Variants in NEDD4 observed in about 807,000 individuals in gnomAD.
NEDD4 encodes the protein E3 ubiquitin-protein ligase NEDD4.
In NEDD4, 99 loss-of-function variants were observed where a neutral mutation model predicts 144.9. That is an observed-to-expected ratio of 0.68 (90% confidence interval 0.58 to 0.81). The LOEUF is 0.81. Among genes scored for constraint, NEDD4 ranks in the 30% least tolerant of loss-of-function variants. The pLI, the probability that NEDD4 is intolerant of heterozygous loss-of-function variation, is 0.00. For missense variants in NEDD4, 985 were observed against 1,065.9 expected (o/e 0.92, Z 1.06); for synonymous variants, 318 against 350.6 (o/e 0.91, Z 1.04).
At chr15:55,842,184 C>G (rs369748295) in intron 18 of NEDD4, 21 bp from the exon 19 acceptor site, 1 of 1,592,552 alleles carries the variant, frequency 6.3e-7, no homozygotes, top group Non-Finnish European at 8.6e-7. Context: ...AGAGGAGAGA[C>G]GTACTGTTTA....
At chr15:55,922,135 T>C (rs193143608) in intron 5 of NEDD4, among the ~76,000 whole-genome samples, 42 of 152,322 alleles carry the variant, frequency 2.8e-4, no homozygotes, top group Admixed American at 2.7e-3. Flanking sequence ...TAAAAATGTT[T>C]ATCAATTTGT....
chr15:55,923,758 T>G (rs1293323251), intron 5 of NEDD4, among the ~76,000 whole-genome samples: 1 of 151,988 alleles, frequency 6.6e-6, no homozygotes, highest in Admixed American at 6.6e-5. Flanking sequence ...TGGCAATATC[T>G]TTAGTTGCCA....
intron 5 of NEDD4, among the ~76,000 whole-genome samples, chr15:55,886,403 C>T (rs2035388285): frequency 6.6e-6 from 1 of 152,164 alleles, no homozygotes; most frequent in Non-Finnish European, 1.5e-5. Context: ...ACACATTATT[C>T]TCAGTGCATG....
At chr15:55,953,428 CTTT>C in intron 2 of NEDD4, among the ~76,000 whole-genome samples, 1 of 151,734 alleles carries the variant, frequency 6.6e-6, no homozygotes, top group Middle Eastern at 3.4e-3. Context: ...CCATACTCTT[CTTT>C]TTTTATCTTC....
At chr15:55,876,673 GA>G (rs1327088830) in intron 5 of NEDD4, among the ~76,000 whole-genome samples, 10 of 151,852 alleles carry the variant, frequency 6.6e-5, no homozygotes. Flanking sequence ...CAGATGAGAG[GA>G]ACAGAAATAA....
intron 13 of NEDD4, 151 bp downstream of exon 13, chr15:55,852,273 C>T (rs1464796901): frequency 1.1e-5 from 9 of 822,992 alleles, no homozygotes; most frequent in Middle Eastern, 4.1e-4. Flanking sequence ...CCAGCCTGGG[C>T]GACAATACTG....
intron 5 of NEDD4, among the ~76,000 whole-genome samples, chr15:55,880,003 G>A (rs1244520116): frequency 1.3e-5 from 2 of 151,990 alleles, no homozygotes; most frequent in Non-Finnish European, 2.9e-5. Context: ...AAAAATAAAA[G>A]GGCTGGCTGG....
chr15:55,857,915 G>A (rs2034259507), intron 11 of NEDD4, among the ~76,000 whole-genome samples: 1 of 152,054 alleles, frequency 6.6e-6, no homozygotes, highest in East Asian at 1.9e-4. Flanking sequence ...ACTCCAGCCT[G>A]GGCGACAGAG....
At chr15:55,862,777 G>A (rs1020355547) in intron 9 of NEDD4, 136 bp downstream of exon 9, 43 of 744,246 alleles carry the variant, frequency 5.8e-5, no homozygotes, top group Non-Finnish European at 8.0e-5. Context: ...TAAAGTCCTG[G>A]GCAATAAAAA....
chr15:55,841,179 G>A (rs1170876043), intron 19 of NEDD4, among the ~76,000 whole-genome samples: 3 of 152,328 alleles, frequency 2.0e-5, no homozygotes, highest in African/African-American at 7.2e-5. Flanking sequence ...TGATCCACCA[G>A]CCTTGGCCTC....
chr15:55,993,584 G>C lies in NEDD4; in HGVS notation c.-29C>G. The stretch of plus-strand genomic sequence containing the variant: ...CGAACGCTTCCAGCAAACCGGACGC[G>C]CTCGCCCCCGCCCAGGGCAGGCAAC... On this transcript the variant is annotated 5_prime_UTR_variant, in exon 1 of 29. Coordinates refer to ENST00000435532, the MANE Select transcript of NEDD4 (RefSeq NM_006154.4). The C allele has an allele frequency of 6.3e-7, 1 of 1,589,428 alleles. No homozygotes were observed. The highest frequency in any genetic ancestry group is 8.5e-7 in the Non-Finnish European group (1 of 1,170,770).
At position 55,883,696 on chromosome 15, in the gene NEDD4, AACACACACACACACAC is replaced by A. The variant is rs3049242; in HGVS notation, c.292-9704_292-9689del. 5.0e-4 allele frequency among the ~76,000 whole-genome samples: 56 copies of A among 112,256 alleles called. 1 individual carries two copies. The highest frequency in any genetic ancestry group is 6.8e-4 in the Non-Finnish European group (34 of 49,876). 73.6% of individuals were successfully genotyped at this position (112,256 alleles called of 152,430 possible). On this transcript the variant is annotated intron_variant, in intron 5 of 28. Coordinates refer to ENST00000435532, the MANE Select transcript of NEDD4 (RefSeq NM_006154.4). ...GCATCTCAACACACACACACACACA[AACACACACACACACAC>A]ACACACACACACACAGAAAGAGAAA...
At chr15:55,876,922 C>A (rs2035015327) in intron 5 of NEDD4, among the ~76,000 whole-genome samples, 1 of 147,540 alleles carries the variant, frequency 6.8e-6, no homozygotes, top group South Asian at 2.1e-4. Context: ...GCAGGATGGT[C>A]TCAAACTCCT....
chr15:55,905,646 G>A (rs992581373), intron 5 of NEDD4, among the ~76,000 whole-genome samples: 1 of 152,164 alleles, frequency 6.6e-6, no homozygotes, highest in Admixed American at 6.5e-5. Context: ...TAGGACGTTA[G>A]GACTAGGAAA....
intron 18 of NEDD4, among the ~76,000 whole-genome samples, chr15:55,846,481 C>T (rs2033749096): frequency 6.6e-6 from 1 of 152,144 alleles, no homozygotes; most frequent in Non-Finnish European, 1.5e-5. Flanking sequence ...CATAAGGAGA[C>T]AAGTCACAAG....
At chr15:55,993,162 C>T (rs762563507) in intron 1 of NEDD4, among the ~76,000 whole-genome samples, 2 of 152,370 alleles carry the variant, frequency 1.3e-5, no homozygotes, top group East Asian at 3.9e-4. Flanking sequence ...GCTCCGCACA[C>T]CCGGCGGGGG....
At chr15:55,914,772 T>C (rs1037610551) in intron 5 of NEDD4, among the ~76,000 whole-genome samples, 1 of 152,130 alleles carries the variant, frequency 6.6e-6, no homozygotes, top group Non-Finnish European at 1.5e-5. Flanking sequence ...TTCTCTATGA[T>C]AATTTATAAA....
At chr15:55,954,897 G>C (rs1352354795) in intron 2 of NEDD4, among the ~76,000 whole-genome samples, 3 of 151,796 alleles carry the variant, frequency 2.0e-5, no homozygotes, top group African/African-American at 7.3e-5. Context: ...TATATAGGGG[G>C]TTAATGGCCT....
Position 55,900,662 on chromosome 15 carries a change from C to G in NEDD4, c.291+23984G>C, listed in dbSNP as rs142085803. On this transcript the variant is annotated intron_variant, in intron 5 of 28. Coordinates refer to ENST00000435532, the MANE Select transcript of NEDD4 (RefSeq NM_006154.4). ...AGAGCTTTATAAAAGCCCTATCAGA[C>G]CGACAAAATTGAGTTGCTTATATGA... Among the ~76,000 whole-genome samples the G allele has an allele frequency of 7.7e-3, 1,172 of 152,186 alleles. 52 individuals carry two copies. Among genetic ancestry groups the G allele is most frequent in the Admixed American group, 0.057 (874 of 15,272 alleles).
Sources: gnomAD v4.1 joint callset for allele counts (sites outside exome capture counted in the v4.1 genomes callset) on GRCh38, gnomAD v4.1.1 for gene constraint, MANE v1.5 for transcripts, NCBI Gene and HGNC (gene_info 2026-07-23, HGNC 2026-07-21) for gene names.